SHANK2: variants seen among roughly 807,000 people sequenced by gnomAD.
SHANK2 encodes the protein SH3 and multiple ankyrin repeat domains 2.
A neutral mutation model predicts 133.7 loss-of-function variants in SHANK2; 43 were observed. That is an observed-to-expected ratio of 0.32 (90% confidence interval 0.25 to 0.41). The LOEUF is 0.41. Among genes scored for constraint, SHANK2 ranks in the 10% least tolerant of loss-of-function variants. The pLI is 1.00. For synonymous variants in SHANK2, 1,017 were observed against 952.8 expected (o/e 1.07, Z -1.24); for missense variants, 1,994 against 2,235.8 (o/e 0.89, Z 2.18).
chr11:70,892,873 A>T (rs76594722), intron 11 of SHANK2, among the ~76,000 whole-genome samples: 6,204 of 152,120 alleles, frequency 0.041, 223 homozygotes, highest in East Asian at 0.11. Flanking sequence ...TTCCCAGAGG[A>T]CCCCAGGGGC....
intron 17 of SHANK2, among the ~76,000 whole-genome samples, chr11:70,656,492 G>A (rs572039077): frequency 2.6e-5 from 4 of 152,128 alleles, no homozygotes; most frequent in South Asian, 2.1e-4. Flanking sequence ...TCAACTTCCC[G>A]CCGCCCTGCC....
chr11:70,721,630 T>G (rs1946077367), intron 14 of SHANK2, among the ~76,000 whole-genome samples: 1 of 152,186 alleles, frequency 6.6e-6, no homozygotes, highest in African/African-American at 2.4e-5. Flanking sequence ...TGGAGGTTCG[T>G]GGGCCAGCTA....
intron 17 of SHANK2, among the ~76,000 whole-genome samples, chr11:70,616,293 C>A (rs528112045): frequency 6.6e-6 from 1 of 152,162 alleles, no homozygotes; most frequent in South Asian, 2.1e-4. Context: ...AAGGCCCAGG[C>A]CCTGCGTCTG....
chr11:71,124,470 A>G (rs1952144377), intron 3 of SHANK2, among the ~76,000 whole-genome samples: 1 of 151,806 alleles, frequency 6.6e-6, no homozygotes, highest in South Asian at 2.1e-4. Context: ...TAAGCCAGAA[A>G]TTACGCTAAC....
intron 3 of SHANK2, among the ~76,000 whole-genome samples, chr11:71,143,861 G>A (rs1285489514): frequency 7.2e-5 from 11 of 151,844 alleles, no homozygotes; most frequent in African/African-American, 2.7e-4. Context: ...TGGGAGCAAT[G>A]GCCAAGGCGT....
Position 70,559,315 on chromosome 11 carries a change from C to T in SHANK2, c.2062-56384G>A, listed in dbSNP as rs868984176. Among the ~76,000 whole-genome samples the T allele has an allele frequency of 8.5e-5, 13 of 152,320 alleles. No homozygotes were observed. The South Asian group carries it at 1.2e-3, about 15-fold the overall frequency. On this transcript the variant is annotated intron_variant, in intron 17 of 25. Coordinates refer to ENST00000601538, the MANE Select transcript of SHANK2 (RefSeq NM_012309.5). Reference sequence around the variant, plus strand: ...CATTACAGGCGTGAGCCATCACACCCGGCCCATAGACCCTATTTTTTTTAG... The same window carrying T: ...CATTACAGGCGTGAGCCATCACACCTGGCCCATAGACCCTATTTTTTTTAG...
At chr11:70,698,898 G>A (rs1278354934) in intron 14 of SHANK2, 135 bp from the exon 15 acceptor site, 1 of 696,764 alleles carries the variant, frequency 1.4e-6, no homozygotes, top group Non-Finnish European at 2.6e-6. Flanking sequence ...GGAAGAGTCT[G>A]GAGGAAAATG....
intron 14 of SHANK2, among the ~76,000 whole-genome samples, chr11:70,742,383 C>T (rs568534740): frequency 2.2e-4 from 33 of 152,294 alleles, no homozygotes; most frequent in Non-Finnish European, 4.3e-4. Context: ...AGGGCCTGTC[C>T]CTCAGGCCAC....
At chr11:70,625,875 G>C (rs1377135768) in intron 17 of SHANK2, among the ~76,000 whole-genome samples, 1 of 143,930 alleles carries the variant, frequency 6.9e-6, no homozygotes, top group Non-Finnish European at 1.5e-5. Context: ...TGTAGAGGAA[G>C]GAAAAATGCA....
At chr11:70,613,763 G>GTTTT (rs57180024) in intron 17 of SHANK2, among the ~76,000 whole-genome samples, 1,338 of 123,744 alleles carry the variant, frequency 0.011, 88 homozygotes, top group African/African-American at 0.04. Flanking sequence ...AGGGGAACTT[G>GTTTT]TTTTTTTTTT....
chr11:71,068,281 A>C (rs1283184901), intron 9 of SHANK2, among the ~76,000 whole-genome samples: 1 of 152,214 alleles, frequency 6.6e-6, no homozygotes, highest in Admixed American at 6.5e-5. Flanking sequence ...AGAGCCCAGA[A>C]ACTGTGAATC....
chr11:70,565,718 C>T (rs1357998089), intron 17 of SHANK2, among the ~76,000 whole-genome samples: 2 of 152,168 alleles, frequency 1.3e-5, no homozygotes, highest in South Asian at 2.1e-4. Flanking sequence ...GTTGTAAAAC[C>T]TATTACTTTA....
intron 3 of SHANK2, among the ~76,000 whole-genome samples, chr11:71,134,147 G>A (rs1168537417): frequency 6.6e-6 from 1 of 151,964 alleles, no homozygotes; most frequent in Non-Finnish European, 1.5e-5. Context: ...CAGCACAGGT[G>A]GGAGGGGAGG....
chr11:71,128,941 C>T (rs1216712474), intron 3 of SHANK2, among the ~76,000 whole-genome samples: 7 of 152,192 alleles, frequency 4.6e-5, no homozygotes, highest in African/African-American at 7.2e-5. Context: ...CCCACCACCA[C>T]GCCCGGCTAA....
At chr11:70,781,363 C>A (rs1349466496) in intron 14 of SHANK2, among the ~76,000 whole-genome samples, 1 of 151,070 alleles carries the variant, frequency 6.6e-6, no homozygotes, top group African/African-American at 2.4e-5. Context: ...ACCCTCAGAG[C>A]CCCATGGTAC....
chr11:71,102,591 G>A (rs1403003505), intron 6 of SHANK2, among the ~76,000 whole-genome samples: 2 of 152,230 alleles, frequency 1.3e-5, no homozygotes, highest in African/African-American at 2.4e-5. Context: ...TCACTGTGGA[G>A]AGGCTAAAAT....
At chr11:70,711,260 C>T (rs1555026035) in intron 14 of SHANK2, among the ~76,000 whole-genome samples, 1 of 152,200 alleles carries the variant, frequency 6.6e-6, no homozygotes. Context: ...TTAGAGGGCT[C>T]AGGGTCACCC....
chr11:70,549,975 G>A lies in SHANK2; in HGVS notation c.2062-47044C>T, dbSNP rs1295508969. On this transcript the variant is annotated intron_variant, in intron 17 of 25. Transcript: ENST00000601538. ...GTCAGGGCTCTGTCCAGTGCTGGCC[G>A]AGGCCTCCCCATGTGCAGGGCACTG... Among the ~76,000 whole-genome samples the A allele has an allele frequency of 6.6e-5, 10 of 152,260 alleles. No individual in the cohort carries two copies. In the East Asian group the frequency reaches 1.9e-3, roughly 29 times the overall value.
chr11:71,246,396 A>G (rs782052311), intron 1 of SHANK2, among the ~76,000 whole-genome samples: 10 of 151,744 alleles, frequency 6.6e-5, no homozygotes, highest in Non-Finnish European at 4.4e-5. Flanking sequence ...GGGGCAGGAC[A>G]CCCCCAAGTC....
Sources: allele counts gnomAD v4.1 joint callset (sites outside exome capture counted in the v4.1 genomes callset), GRCh38; gene constraint gnomAD v4.1.1; transcripts MANE v1.5; gene names NCBI Gene and HGNC (gene_info 2026-07-23, HGNC 2026-07-21).